The following PFKFB2 variants were observed in gnomAD, a reference collection of about 807,000 sequenced individuals.
PFKFB2 encodes 6-phosphofructo-2-kinase/fructose-2,6-biphosphatase 2.
PFKFB2 carries 53 observed loss-of-function variants against 68.0 expected under a neutral mutation model. The observed-to-expected ratio is 0.78, with a 90% CI of 0.63 to 0.98. PFKFB2 has a LOEUF of 0.98. Ranked by LOEUF, PFKFB2 falls within the 50% of genes least tolerant of loss-of-function variation. The probability of loss-of-function intolerance (pLI) is 0.00; values close to 1 mark genes in which losing one functional copy is unlikely to be tolerated. For synonymous variants in PFKFB2, 222 were observed against 227.6 expected, an observed-to-expected ratio of 0.98 and a Z score of 0.22; for missense variants, 451 against 642.0, an observed-to-expected ratio of 0.70 and a Z score of 3.22.
At chr1:207,035,125 C>A (rs1431554352) in intron 1 of PFKFB2, 1 of 983,198 alleles carries the variant, frequency 1.0e-6, no homozygotes, top group Non-Finnish European at 1.2e-6. Context: ...TGTTTGATGA[C>A]CAGACTCTGT....
upstream of PFKFB2, chr1:207,049,848 TAC>T (rs1682693111): frequency 1.1e-5 from 9 of 840,322 alleles, no homozygotes; most frequent in African/African-American, 3.4e-5. Flanking sequence ...CTAAGGAGAA[TAC>T]AGTTTTGCAA....
Position 207,077,702 on chromosome 1 carries a change from G to T in PFKFB2, c.*5331G>T. On this transcript the variant is annotated 3_prime_UTR_variant, in exon 15 of 15. Transcript: ENST00000367080. ...CATTCTGATTTAATCGGGTGACACT[G>T]ATAACAAAGTATGCCACTCAGATCC... 1.0e-6 allele frequency: 1 copy of T among 985,722 alleles called. No individual in the cohort carries two copies. The highest frequency in any genetic ancestry group is 4.7e-5 in the South Asian group (1 of 21,280). The allele number at this position is 985,722 out of a possible 1,614,324, so 61.1% of individuals were successfully genotyped here.
chr1:207,058,126 C>T (rs1682985008), intron 2 of PFKFB2, among the ~76,000 whole-genome samples: 1 of 152,198 alleles, frequency 6.6e-6, no homozygotes, highest in Non-Finnish European at 1.5e-5. Context: ...TAGTGGTTAA[C>T]TGAAACATCA....
At chr1:207,051,097 G>A, upstream of PFKFB2, 1 of 1,436,814 alleles carries the variant, frequency 7.0e-7, no homozygotes, top group Non-Finnish European at 9.1e-7. Context: ...TAGTACCTTA[G>A]CAAGCGCGAA....
Position 207,063,279 on chromosome 1 carries a change from T to C in PFKFB2, c.376-68T>C. 2 of 1,570,796 alleles carry C rather than the reference T, an allele frequency of 1.3e-6. No individual in the cohort carries two copies. The highest frequency in any genetic ancestry group is 1.8e-6 in the Non-Finnish European group (2 of 1,140,456). ...AGCAGCCTGGCTACCCAGCCCCACCTTGAGTCTGCCCTGGTGGGGTTCTGT... is the reference window on the plus strand; with the variant it reads ...AGCAGCCTGGCTACCCAGCCCCACCCTGAGTCTGCCCTGGTGGGGTTCTGT... On this transcript the variant is annotated intron_variant, in intron 5 of 14. Coordinates refer to ENST00000367080, the MANE Select transcript of PFKFB2 (RefSeq NM_006212.2). The surrounding 1 kb of genome is among the most constrained non-coding windows in gnomAD (Gnocchi z 4.1).
intron 2 of PFKFB2, chr1:207,045,950 A>C (rs1405070147): frequency 1.3e-5 from 2 of 152,126 alleles, no homozygotes; most frequent in Non-Finnish European, 2.9e-5. Flanking sequence ...GAAACAATGA[A>C]GAAATCAACC....
At position 207,076,873 on chromosome 1, in the gene PFKFB2, G is replaced by A. The variant is rs919915248; in HGVS notation, c.*4502G>A. 8 of 984,976 alleles carry A rather than the reference G, an allele frequency of 8.1e-6. No homozygotes were observed. The Admixed American group carries it at 3.7e-4, about 45-fold the overall frequency. 61.0% of individuals were successfully genotyped at this position (984,976 alleles called of 1,614,324 possible). A position where few individuals can be genotyped will look rare whatever the true frequency, so the allele number is the denominator to read the frequency against. On this transcript the variant is annotated 3_prime_UTR_variant, in exon 15 of 15. Transcript: ENST00000367080. ...CTGACAGTCTGCCTGCTTTCTGATT[G>A]TATCCATTGAAGTGTATGTACATTA...
chr1:207,061,901 A>T, intron 2 of PFKFB2, 52 bp from the exon 3 acceptor site: 1 of 1,524,054 alleles, frequency 6.6e-7, no homozygotes, highest in Non-Finnish European at 9.1e-7. Flanking sequence ...ACACCAAAAA[A>T]CCTTACTAGG....
chr1:207,056,061 G>T (rs1208916101), intron 2 of PFKFB2, among the ~76,000 whole-genome samples: 2 of 152,118 alleles, frequency 1.3e-5, no homozygotes. Context: ...CAAGTTGCTT[G>T]TTCTCTCCAT....
upstream of PFKFB2, chr1:207,048,984 T>G: frequency 6.4e-7 from 1 of 1,573,904 alleles, no homozygotes; most frequent in Non-Finnish European, 8.7e-7. Context: ...TCTGGATGTG[T>G]GAGGTAGTAG....
chr1:207,072,594 A>T lies in PFKFB2; in HGVS notation c.*223A>T. On this transcript the variant is annotated 3_prime_UTR_variant, in exon 15 of 15. Transcript: ENST00000367080. ...ACATCTTTTCACCCAGGGGCAAGTT[A>T]GCAAATTGAGTCTTTTAGGACAGAT... 7.5e-7 allele frequency: 1 copy of T among 1,333,996 alleles called. No homozygotes were observed. Among genetic ancestry groups the T allele is most frequent in the South Asian group, 1.9e-5 (1 of 51,882 alleles). 82.6% of individuals were successfully genotyped at this position (1,333,996 alleles called of 1,614,324 possible).
In PFKFB2 at chr1:207,073,078, G is replaced by GA; in HGVS notation, c.*709dup. 1 of 985,524 alleles carries GA rather than the reference G, an allele frequency of 1.0e-6. No individual in the cohort carries two copies. The highest frequency in any genetic ancestry group is 1.2e-6 in the Non-Finnish European group (1 of 829,982). 61.0% of individuals were successfully genotyped at this position (985,524 alleles called of 1,614,324 possible). A position where few individuals can be genotyped will look rare whatever the true frequency, so the allele number is the denominator to read the frequency against. Reference sequence around the variant, plus strand: ...CAGCCCAGACTACAGGACATCCACAGAATATTCTGGAGCTTGCAAGTAGAC... The same window carrying GA: ...CAGCCCAGACTACAGGACATCCACAGAAATATTCTGGAGCTTGCAAGTAGAC... On this transcript the variant is annotated 3_prime_UTR_variant, in exon 15 of 15. Transcript: ENST00000367080.
chr1:207,078,870 T>G (rs1461250001), downstream of PFKFB2: 2 of 1,121,840 alleles, frequency 1.8e-6, no homozygotes, highest in East Asian at 4.7e-5. Context: ...GGAGGGAAGG[T>G]AGGGGAAGGA....
At chr1:207,064,039 A>G (rs1397670280) in intron 7 of PFKFB2, among the ~76,000 whole-genome samples, 1 of 152,216 alleles carries the variant, frequency 6.6e-6, no homozygotes, top group Non-Finnish European at 1.5e-5. Flanking sequence ...GGGAGAGGAA[A>G]CTGAGGCTTT....
At chr1:207,080,031 A>G (rs890764875), downstream of PFKFB2, 1 of 152,166 alleles carries the variant, frequency 6.6e-6, no homozygotes, top group Non-Finnish European at 1.5e-5. Context: ...CTCTCATATA[A>G]AAGTGAGGGT....
intron 4 of PFKFB2, 114 bp downstream of exon 4, chr1:207,062,830 G>A: frequency 1.9e-6 from 2 of 1,043,812 alleles, no homozygotes; most frequent in Non-Finnish European, 2.9e-6. Flanking sequence ...AAGTTAAATG[G>A]AAGTTATCTG....
intron 2 of PFKFB2, among the ~76,000 whole-genome samples, chr1:207,056,540 C>G (rs1682926973): frequency 1.3e-5 from 2 of 151,784 alleles, no homozygotes; most frequent in Admixed American, 1.3e-4. Flanking sequence ...GTAGGAATCT[C>G]TTCTACCTGC....
In PFKFB2 at chr1:207,076,773, T is replaced by C. The variant is rs1422989264; in HGVS notation, c.*4402T>C. The C allele has an allele frequency of 1.5e-5, 15 of 970,624 alleles. No individual in the cohort carries two copies. The highest frequency in any genetic ancestry group is 1.4e-4 in the Admixed American group (2 of 14,432). 60.1% of individuals were successfully genotyped at this position (970,624 alleles called of 1,614,324 possible). ...GTTTGTCACTGACAGACTGTAGTAG[T>C]GTCTGTGTGCTGACTGATAGATAGA... On this transcript the variant is annotated 3_prime_UTR_variant, in exon 15 of 15. Coordinates refer to ENST00000367080, the MANE Select transcript of PFKFB2 (RefSeq NM_006212.2).
chr1:207,061,151 A>ATCTT (rs1239825353), intron 2 of PFKFB2, among the ~76,000 whole-genome samples: 2 of 84,140 alleles, frequency 2.4e-5, no homozygotes, highest in Non-Finnish European at 4.2e-5. Context: ...CTTTATATAT[A>ATCTT]TTTATATATA....
Sources: gnomAD v4.1 joint callset for allele counts (sites outside exome capture counted in the v4.1 genomes callset) on GRCh38, gnomAD v4.1.1 for gene constraint, Gnocchi (gnomAD v3.1) non-coding constraint, MANE v1.5 for transcripts, NCBI Gene and HGNC (gene_info 2026-07-23, HGNC 2026-07-21) for gene names.